Variants in PSG2 observed in about 807,000 individuals in gnomAD.
The protein encoded by PSG2 is pregnancy-specific beta-1-glycoprotein 2.
A neutral mutation model predicts 36.2 loss-of-function variants in PSG2; 49 were observed. The observed-to-expected ratio is 1.35, with a 90% CI of 1.08 to 1.72. The LOEUF is 1.72. Among genes scored for constraint, PSG2 ranks in the 40% most tolerant of loss-of-function variants. The pLI is 0.00. For missense variants in PSG2, 605 were observed against 407.2 expected (o/e 1.49, Z -4.18); for synonymous variants, 261 against 155.6 (o/e 1.68, Z -5.04).
At chr19:43,077,245 G>A (rs1249870281) in intron 2 of PSG2, among the ~76,000 whole-genome samples, 19 of 151,656 alleles carry the variant, frequency 1.3e-4, no homozygotes, top group Admixed American at 1.2e-3. Context: ...AGATGCCAAA[G>A]GTGATTGGAA....
At chr19:43,075,199 A>G (rs568107300) in intron 3 of PSG2, among the ~76,000 whole-genome samples, 155 bp downstream of exon 3, 1 of 151,846 alleles carries the variant, frequency 6.6e-6, no homozygotes, top group East Asian at 1.9e-4. Flanking sequence ...GCCTAGGCCT[A>G]TTCTGGTTTG....
At chr19:43,066,424 G>A (rs141423516) in intron 5 of PSG2, 93 bp downstream of exon 5, 7 of 904,706 alleles carry the variant, frequency 7.7e-6, no homozygotes. Flanking sequence ...AGGAGGAGAT[G>A]CAGTCCCAGA....
intron 3 of PSG2, 131 bp from the exon 4 acceptor site, chr19:43,072,085 T>C (rs1967827174): frequency 7.0e-7 from 1 of 1,419,116 alleles, no homozygotes; most frequent in Non-Finnish European, 9.6e-7. Context: ...CCCTCTATGT[T>C]CACTGAGCCG....
Position 43,064,618 on chromosome 19 carries a change from T to C in PSG2, c.*41-17A>G. On this transcript the variant is annotated splice_polypyrimidine_tract_variant and intron_variant, in intron 5 of 5. Transcript: ENST00000406487. Reference sequence around the variant, plus strand: ...ATAAATCTCCTTGAAGAAAAAGCAATTTTGGACTGTAGGTGATTGTAAGTA... The same window carrying C: ...ATAAATCTCCTTGAAGAAAAAGCAACTTTGGACTGTAGGTGATTGTAAGTA... 1 of 632,286 alleles carries C rather than the reference T, an allele frequency of 1.6e-6. No homozygotes were observed. 39.2% of individuals were successfully genotyped at this position (632,286 alleles called of 1,614,324 possible).
chr19:43,078,612 C>A (rs1203568459), intron 2 of PSG2, among the ~76,000 whole-genome samples: 1 of 151,520 alleles, frequency 6.6e-6, no homozygotes, highest in East Asian at 1.9e-4. Flanking sequence ...ATTCCATCAC[C>A]AAACAATCAG....
Position 43,071,909 on chromosome 19 carries a change from C to A in PSG2, c.755G>T (p.Arg252Leu). The A allele has an allele frequency of 8.7e-6, 14 of 1,612,612 alleles. 1 individual carries two copies. Among genetic ancestry groups the A allele is most frequent in the Non-Finnish European group, 1.2e-5 (14 of 1,179,266 alleles). The change falls in exon 4 of 6, where the codon CGT becomes CTT. Residue 252 changes from arginine to leucine, a missense_variant. By Grantham distance (102) the Arg-to-Leu change is moderately radical. Coordinates refer to ENST00000406487, the MANE Select transcript of PSG2 (RefSeq NM_031246.4). ...AGACAAGTAGAGGTTATCTCCTGAACGGTAATTGGTGTATGAAGGGTGAAT... is the reference window on the plus strand; with the variant it reads ...AGACAAGTAGAGGTTATCTCCTGAAAGGTAATTGGTGTATGAAGGGTGAAT... ...PRIHPSYTNY[R>L]SGDNLYLSCF...
rs1249260489 is a variant in PSG2, at chr19:43,072,558, T to G, written c.710-604A>C. 4.3e-6 allele frequency: 7 copies of G among 1,611,262 alleles called. No homozygotes were observed. The East Asian group carries it at 1.3e-4, about 31-fold the overall frequency. On this transcript the variant is annotated intron_variant, in intron 3 of 5. Transcript: ENST00000406487. Reference sequence around the variant, plus strand: ...TAGCTCTCACTCTTAGGTTCACAGGTGAAGGCTAATACATCCTTATTCTCC... The same window carrying G: ...TAGCTCTCACTCTTAGGTTCACAGGGGAAGGCTAATACATCCTTATTCTCC...
In PSG2 at chr19:43,064,881, G is replaced by T. The variant is rs555007843; in HGVS notation, c.*41-280C>A. On this transcript the variant is annotated intron_variant, in intron 5 of 5. Coordinates refer to ENST00000406487, the MANE Select transcript of PSG2 (RefSeq NM_031246.4). ...GAGTCTCACTCTGTCACCCAGACTG[G>T]AGTGCAGTGGTGCCATCTGAGTTCA... Among the ~76,000 whole-genome samples, 12 of 151,728 alleles carry T rather than the reference G, an allele frequency of 7.9e-5. No homozygotes were observed. The South Asian group carries it at 2.5e-3, about 32-fold the overall frequency.
chr19:43,077,184 A>G (rs147868488), intron 2 of PSG2, among the ~76,000 whole-genome samples: 2,291 of 151,742 alleles, frequency 0.015, 86 homozygotes, highest in East Asian at 0.091. Context: ...AGACCAAAAT[A>G]AGGTTTAGGT....
At chr19:43,065,967 G>T (rs1164607027) in intron 5 of PSG2, 2 of 155,416 alleles carry the variant, frequency 1.3e-5, no homozygotes, top group Admixed American at 6.2e-5. Context: ...TAGGAAGACA[G>T]TTCTAATTAG....
intron 3 of PSG2, among the ~76,000 whole-genome samples, chr19:43,074,093 G>A (rs898229556): frequency 6.6e-6 from 1 of 151,678 alleles, no homozygotes; most frequent in Non-Finnish European, 1.5e-5. Flanking sequence ...ATGTGAGAAA[G>A]GCTGATTGCT....
rs972294460 is a variant in PSG2, at chr19:43,076,157, G to T, written c.431-525C>A. Among the ~76,000 whole-genome samples, 5 of 151,656 alleles carry T rather than the reference G, an allele frequency of 3.3e-5. 2 individuals are homozygous for T. The highest frequency in any genetic ancestry group is 9.7e-5 in the African/African-American group (4 of 41,094). On this transcript the variant is annotated intron_variant, in intron 2 of 5. Coordinates refer to ENST00000406487, the MANE Select transcript of PSG2 (RefSeq NM_031246.4). Reference sequence around the variant, plus strand: ...TGGGTACTTCAGCATAAATAACACAGGGGAGACCAGAGTCAAGCCTGGAGG... The same window carrying T: ...TGGGTACTTCAGCATAAATAACACATGGGAGACCAGAGTCAAGCCTGGAGG...
intron 4 of PSG2, among the ~76,000 whole-genome samples, chr19:43,069,549 T>G (rs911261707): frequency 6.6e-5 from 10 of 151,828 alleles, no homozygotes; most frequent in East Asian, 5.8e-4. Flanking sequence ...AGAAAGAAAT[T>G]CTTGCATATA....
At chr19:43,077,105 T>A (rs1452870656) in intron 2 of PSG2, among the ~76,000 whole-genome samples, 2 of 151,724 alleles carry the variant, frequency 1.3e-5, no homozygotes, top group African/African-American at 4.9e-5. Flanking sequence ...TAAAATGTTT[T>A]CATAAGTGGA....
intron 1 of PSG2, chr19:43,081,724 C>A: frequency 5.9e-6 from 1 of 168,602 alleles, no homozygotes; most frequent in Admixed American, 5.4e-5. Flanking sequence ...CCCATGACAG[C>A]ATGAGCTCAG....
rs1385809310 is a variant in PSG2 at position 43,066,714 on chromosome 19, C to T, written c.965-114G>A. 23 of 1,379,594 alleles carry T rather than the reference C, an allele frequency of 1.7e-5. 1 individual carries two copies. The highest frequency in any genetic ancestry group is 1.3e-5 in the Non-Finnish European group (13 of 996,262). The allele number at this position is 1,379,594 out of a possible 1,614,324, so 85.5% of individuals were successfully genotyped here. A position where few individuals can be genotyped will look rare whatever the true frequency, so the allele number is the denominator to read the frequency against. On this transcript the variant is annotated intron_variant, in intron 4 of 5. Transcript: ENST00000406487. The stretch of plus-strand genomic sequence containing the variant: ...TCTATAATTGTTTCTTCAAGGACCA[C>T]ATTATTTCTCTTGGAATATTGATGG...
At chr19:43,069,594 A>G (rs370418242) in intron 4 of PSG2, among the ~76,000 whole-genome samples, 7 of 151,848 alleles carry the variant, frequency 4.6e-5, no homozygotes, top group African/African-American at 1.7e-4. Context: ...TGCCAAGATC[A>G]TTCAATGGGG....
At chr19:43,066,855 GA>G (rs143042307) in intron 4 of PSG2, among the ~76,000 whole-genome samples, 15,182 of 151,272 alleles carry the variant, frequency 0.1, 1,012 homozygotes, top group Admixed American at 0.15. Flanking sequence ...TCAGATGTGA[GA>G]AAGGCTGATT....
At chr19:43,074,525 T>C (rs1477091567) in intron 3 of PSG2, among the ~76,000 whole-genome samples, 1 of 151,744 alleles carries the variant, frequency 6.6e-6, no homozygotes, top group African/African-American at 2.4e-5. Flanking sequence ...GTCTAAAGAA[T>C]GATCTAGAAA....
Sources: gnomAD v4.1 joint callset for allele counts (sites outside exome capture counted in the v4.1 genomes callset) on GRCh38, gnomAD v4.1.1 for gene constraint, MANE v1.5 for transcripts, NCBI Gene and HGNC (gene_info 2026-07-23, HGNC 2026-07-21) for gene names.